The following ATXN7L2 variants were observed in gnomAD, a reference collection of about 807,000 sequenced individuals.
ATXN7L2 encodes ataxin-7-like protein 2.
ATXN7L2 carries 17 observed loss-of-function variants against 59.6 expected under a neutral mutation model. That is an observed-to-expected ratio of 0.29 (90% CI 0.20 to 0.43). The LOEUF is 0.43. Among genes scored for constraint, ATXN7L2 ranks in the 20% least tolerant of loss-of-function variants. The pLI is 1.00. For missense variants in ATXN7L2, 858 were observed against 1,008.9 expected (o/e 0.85, Z 2.03); for synonymous variants, 378 against 392.5 (o/e 0.96, Z 0.44).
intron 1 of ATXN7L2, 87 bp downstream of exon 1, chr1:109,484,167 G>A: frequency 1.6e-6 from 2 of 1,214,948 alleles, no homozygotes; most frequent in Non-Finnish European, 2.1e-6. Flanking sequence ...GGGAGCCGCC[G>A]ACTGGAGCCG....
At chr1:109,487,473 G>A (rs774321940) in intron 4 of ATXN7L2, 45 bp from the exon 5 acceptor site, 36 of 1,454,268 alleles carry the variant, frequency 2.5e-5, no homozygotes, top group South Asian at 1.1e-4. Context: ...CCCAGGCCTC[G>A]CCTCCCCTCC....
At chr1:109,487,937 C>T (rs1656721278) in intron 5 of ATXN7L2, 133 bp downstream of exon 5, 12 of 1,086,756 alleles carry the variant, frequency 1.1e-5, no homozygotes, top group South Asian at 1.8e-5. Context: ...ATAGGAGCCC[C>T]GTCACCTCTT....
Position 109,486,658 on chromosome 1 carries a change from C to A in ATXN7L2, c.298+48C>A. 2.0e-6 allele frequency: 3 copies of A among 1,502,678 alleles called. No individual in the cohort carries two copies. The highest frequency in any genetic ancestry group is 2.8e-6 in the Non-Finnish European group (3 of 1,082,256). The allele number at this position is 1,502,678 out of a possible 1,614,324, so 93.1% of individuals were successfully genotyped here. A position where few individuals can be genotyped will look rare whatever the true frequency, so the allele number is the denominator to read the frequency against. ...GATAAAGGGACAGGGGAAGGTGGAG[C>A]ATGGAACTCTGAGGACAGGGTCAGT... On this transcript the variant is annotated intron_variant, in intron 3 of 10. Coordinates refer to ENST00000683729, the MANE Select transcript of ATXN7L2 (RefSeq NM_001350175.2). The surrounding 1 kb of genome is among the most constrained non-coding windows in gnomAD (Gnocchi z 4.3).
At position 109,488,989 on chromosome 1, in the gene ATXN7L2, G is replaced by A. The variant is rs148728891; in HGVS notation, c.1022G>A (p.Arg341His). Residue 341 changes from arginine (R) to histidine (H), a missense_variant, in exon 7 of 11, where the codon CGC becomes CAC. Arg to His is a conservative substitution (Grantham distance 29). Around this residue, in one of 3 missense-constraint regions of ATXN7L2, gnomAD observed 734 missense variants for 862.3 expected, o/e 0.85. Coordinates refer to ENST00000683729, the MANE Select transcript of ATXN7L2 (RefSeq NM_001350175.2). This position sits in a 1 kb window ranked among gnomAD's most constrained non-coding sequence, Gnocchi z 5.0. Reference sequence around the variant, plus strand: ...GGGCGCAAGGAGCAAGTTCTCGAGCGCCCCTCCCAGGAGCTCCCCTCCTCA... The same window carrying A: ...GGGCGCAAGGAGCAAGTTCTCGAGCACCCCTCCCAGGAGCTCCCCTCCTCA... ...SPGRKEQVLE[R>H]PSQELPSSVQ... 11 of 1,614,168 alleles carry A rather than the reference G, an allele frequency of 6.8e-6. No individual in the cohort carries two copies. Among genetic ancestry groups the A allele is most frequent in the Middle Eastern group, 1.6e-4 (1 of 6,062 alleles).
At chr1:109,492,458 T>C (rs1477379502) in intron 10 of ATXN7L2, 128 bp from the exon 11 acceptor site, 2 of 1,263,068 alleles carry the variant, frequency 1.6e-6, no homozygotes, top group South Asian at 1.6e-5. Flanking sequence ...TCCCCCTTGC[T>C]CAGTTTTACT....
intron 4 of ATXN7L2, 128 bp downstream of exon 4, chr1:109,487,345 C>T: frequency 8.5e-7 from 1 of 1,179,058 alleles, no homozygotes; most frequent in Non-Finnish European, 1.1e-6. Flanking sequence ...CTGTCTGCAG[C>T]TTCCTTCCAT....
intron 1 of ATXN7L2, among the ~76,000 whole-genome samples, chr1:109,484,465 C>T (rs1656424878): frequency 1.4e-5 from 2 of 146,952 alleles, no homozygotes; most frequent in Non-Finnish European, 3.0e-5. Context: ...GTGCCCCCTT[C>T]CTCACCCCCC....
intron 1 of ATXN7L2, 119 bp downstream of exon 1, chr1:109,484,199 C>G (rs1656400411): frequency 9.1e-7 from 1 of 1,104,366 alleles, no homozygotes. Context: ...CCCGGCCCCC[C>G]AAACAAAGGA....
At position 109,485,578 on chromosome 1, in the gene ATXN7L2, A is replaced by C. The variant is rs1050511055; in HGVS notation, c.128-479A>C. On this transcript the variant is annotated intron_variant, in intron 1 of 10. Transcript: ENST00000683729. Reference sequence around the variant, plus strand: ...TGGGAGAGTATCTATTTGGGATGCCACATAGTAGCAGAAAGGACCCATCGA... The same window carrying C: ...TGGGAGAGTATCTATTTGGGATGCCCCATAGTAGCAGAAAGGACCCATCGA... 7 of 985,518 alleles carry C rather than the reference A, an allele frequency of 7.1e-6. No homozygotes were observed. The African/African-American group carries it at 1.2e-4, about 17-fold the overall frequency. 61.0% of individuals were successfully genotyped at this position (985,518 alleles called of 1,614,324 possible). A position where few individuals can be genotyped will look rare whatever the true frequency, so the allele number is the denominator to read the frequency against.
chr1:109,492,482 G>T, intron 10 of ATXN7L2, 104 bp from the exon 11 acceptor site: 1 of 1,479,288 alleles, frequency 6.8e-7, no homozygotes. Context: ...CAGGCCAGCA[G>T]AAGGAAATCA....
intron 1 of ATXN7L2, chr1:109,485,215 T>TC (rs1172723708): frequency 1.2e-6 from 1 of 814,972 alleles, no homozygotes; most frequent in African/African-American, 1.9e-5. Context: ...TCAGAATTGA[T>TC]TTTTTTTTTC....
Position 109,491,701 on chromosome 1 carries a change from A to T in ATXN7L2, c.2234A>T (p.Lys745Met), listed in dbSNP as rs537469853. 1 of 1,604,126 alleles carries T rather than the reference A, an allele frequency of 6.2e-7. No homozygotes were observed. The highest frequency in any genetic ancestry group is 2.2e-5 in the East Asian group (1 of 44,672). The stretch of plus-strand genomic sequence containing the variant: ...GGCCCGGCCCTGGCCTTTGAGGAGA[A>T]GTGCTCTACACTGAAGGTACCAGCC... ...KPGPALAFEEKCSTLKSKAH is the reference protein window; with the variant it reads ...KPGPALAFEEMCSTLKSKAH The change falls in exon 10 of 11, where the codon AAG (lysine) becomes ATG (methionine). Residue 745 changes from lysine (K) to methionine (M), a missense_variant. Physicochemically the swap from Lys to Met is moderately conservative, Grantham distance 95. Transcript: ENST00000683729. This position sits in a 1 kb window ranked among gnomAD's most constrained non-coding sequence, Gnocchi z 4.1.
chr1:109,487,413 A>G, intron 4 of ATXN7L2, 105 bp from the exon 5 acceptor site: 2 of 1,282,946 alleles, frequency 1.6e-6, no homozygotes, highest in Non-Finnish European at 2.1e-6. Flanking sequence ...GCTGGAGCCC[A>G]CCCAAATTCC....
At chr1:109,490,634 C>T (rs968179080) in intron 9 of ATXN7L2, among the ~76,000 whole-genome samples, 3 of 152,164 alleles carry the variant, frequency 2.0e-5, no homozygotes, top group African/African-American at 7.2e-5. Context: ...TCATCCATCA[C>T]TTCCAGTACC....
intron 1 of ATXN7L2, among the ~76,000 whole-genome samples, 157 bp downstream of exon 1, chr1:109,484,237 C>G (rs369274008): frequency 6.6e-6 from 1 of 152,118 alleles, no homozygotes; most frequent in African/African-American, 2.4e-5. Context: ...CCCGCCCGCT[C>G]CGTCACCTTC....
At chr1:109,492,110 T>G in intron 10 of ATXN7L2, 1 of 1,059,610 alleles carries the variant, frequency 9.4e-7, no homozygotes, top group Non-Finnish European at 1.1e-6. Flanking sequence ...GCAAGGTGGG[T>G]GGGCTGGTCT....
Position 109,483,944 on chromosome 1 carries a change from C to G in ATXN7L2, c.-10C>G. 1 of 1,229,572 alleles carries G rather than the reference C, an allele frequency of 8.1e-7. No homozygotes were observed. Among genetic ancestry groups the G allele is most frequent in the Non-Finnish European group, 1.0e-6 (1 of 982,340 alleles). 76.2% of individuals were successfully genotyped at this position (1,229,572 alleles called of 1,614,324 possible). On this transcript the variant is annotated 5_prime_UTR_variant, in exon 1 of 11. Coordinates refer to ENST00000683729, the MANE Select transcript of ATXN7L2 (RefSeq NM_001350175.2). ...GGCGGCGCCAGGGCGGGCGCGCGTC[C>G]GCGGCGGTGATGGCGGTGCGTGAAC...
At position 109,492,596 on chromosome 1, in the gene ATXN7L2, A is replaced by C; in HGVS notation, c.2261A>C (p.His754Pro). Residue 754 changes from histidine to proline, a missense_variant, in exon 11 of 11, where the codon CAT becomes CCT. His to Pro is a moderately conservative substitution (Grantham distance 77, BLOSUM62 -2). This residue lies in a region of ATXN7L2 where 734 missense variants were observed against 862.3 expected (regional missense o/e 0.85). Transcript: ENST00000683729. Reference sequence around the variant, plus strand: ...CTTGTCTTCCTGCAGTCAAAAGCCCATTAACGAGAAAGTGCCTGCCCACTG... The same window carrying C: ...CTTGTCTTCCTGCAGTCAAAAGCCCCTTAACGAGAAAGTGCCTGCCCACTG... ...EKCSTLKSKA[H>P] The C allele has an allele frequency of 6.2e-7, 1 of 1,613,702 alleles. No individual in the cohort carries two copies. Among genetic ancestry groups the C allele is most frequent in the Non-Finnish European group, 8.5e-7 (1 of 1,179,958 alleles).
At chr1:109,489,889 C>T (rs1359922655) in intron 7 of ATXN7L2, 41 bp from the exon 8 acceptor site, 1 of 1,608,824 alleles carries the variant, frequency 6.2e-7, no homozygotes, top group Non-Finnish European at 8.5e-7. Context: ...TCTGACCCCA[C>T]AACAGTCACA....
Sources: allele counts gnomAD v4.1 joint callset (sites outside exome capture counted in the v4.1 genomes callset), GRCh38; gene constraint gnomAD v4.1.1; regional missense constraint gnomAD v4.1.1; non-coding constraint Gnocchi (gnomAD v3.1); transcripts MANE v1.5; gene names NCBI Gene and HGNC (gene_info 2026-07-23, HGNC 2026-07-21).